Variants in SFI1 observed in about 807,000 individuals in gnomAD.
The protein encoded by SFI1 is SFI1 centrin binding protein, also known as protein SFI1 homolog.
Under a neutral mutation model 207.5 loss-of-function variants are expected in SFI1, and 195 were observed. That is an observed-to-expected ratio of 0.94 (90% CI 0.84 to 1.06). The LOEUF (loss-of-function observed/expected upper bound fraction) is 1.06, where lower values mean the gene tolerates loss of function less well. Among genes scored for constraint, SFI1 ranks in the 50% least tolerant of loss-of-function variants. SFI1 has a pLI of 0.00. For missense variants in SFI1, 1,634 were observed against 1,588.0 expected (o/e 1.03, Z -0.49); for synonymous variants, 630 against 598.9 (o/e 1.05, Z -0.76).
intron 3 of SFI1, chr22:31,529,141 A>T: frequency 2.7e-5 from 9 of 337,482 alleles, no homozygotes; most frequent in South Asian, 1.0e-4. Context: ...AGAAGGAACT[A>T]CTCTTTTTTG....
intron 6 of SFI1, among the ~76,000 whole-genome samples, chr22:31,556,596 G>T (rs1164905021): frequency 6.6e-6 from 1 of 152,024 alleles, no homozygotes; most frequent in East Asian, 1.9e-4. Context: ...TGCCATTTTT[G>T]TTAGATCCAT....
chr22:31,602,720 C>G lies in SFI1; in HGVS notation c.1740C>G (p.His580Gln). The stretch of plus-strand genomic sequence containing the variant: ...GGCAAACAGTGGCCTGTGCCCACCA[C>G]CGCCACGGGCGGCTCAAGAAAGCTT... ...QEWQTVACAHHRHGRLKKAFC... is the reference protein window; with the variant it reads ...QEWQTVACAHQRHGRLKKAFC... Residue 580 changes from histidine (H) to glutamine (Q), a missense_variant, in exon 17 of 33, where the codon CAC (histidine) becomes CAG (glutamine). Physicochemically the swap from His to Gln is conservative, Grantham distance 24. Transcript: ENST00000400288. 7 of 1,614,178 alleles carry G rather than the reference C, an allele frequency of 4.3e-6. No individual in the cohort carries two copies. The highest frequency in any genetic ancestry group is 5.9e-6 in the Non-Finnish European group (7 of 1,180,028).
At chr22:31,542,975 CTTT>C (rs377269654) in intron 4 of SFI1, among the ~76,000 whole-genome samples, 2 of 124,822 alleles carry the variant, frequency 1.6e-5, no homozygotes. Flanking sequence ...TTTTTTTTTT[CTTT>C]TTTTTTTTTT....
chr22:31,526,760 A>C (rs901975560), intron 2 of SFI1, among the ~76,000 whole-genome samples: 2 of 151,950 alleles, frequency 1.3e-5, no homozygotes, highest in African/African-American at 2.4e-5. Context: ...ACGGGGTTTC[A>C]CCATGTTGTC....
intron 11 of SFI1, among the ~76,000 whole-genome samples, chr22:31,578,794 C>G (rs1459578310): frequency 1.3e-5 from 2 of 152,160 alleles, no homozygotes; most frequent in Non-Finnish European, 2.9e-5. Context: ...GAGTCCGTCC[C>G]TGTTCTACCT....
Position 31,607,672 on chromosome 22 carries a change from C to T in SFI1, c.2158-265C>T, listed in dbSNP as rs542162820. On this transcript the variant is annotated intron_variant, in intron 21 of 32. Transcript: ENST00000400288. ...GAATTAAGACCCATGTATATAATGACTTCACTACTTTATGGCATGGTATGA... is the reference window on the plus strand; with the variant it reads ...GAATTAAGACCCATGTATATAATGATTTCACTACTTTATGGCATGGTATGA... 9 of 207,034 alleles carry T rather than the reference C, an allele frequency of 4.3e-5. No individual in the cohort carries two copies. The South Asian group carries it at 7.8e-4, about 18-fold the overall frequency. The allele number at this position is 207,034 out of a possible 1,614,324, so 12.8% of individuals were successfully genotyped here. A position where few individuals can be genotyped will look rare whatever the true frequency, so the allele number is the denominator to read the frequency against.
rs765289179 is a variant in SFI1, at chr22:31,613,599, T to C, written c.2743-3T>C. 3 of 1,580,032 alleles carry C rather than the reference T, an allele frequency of 1.9e-6. No individual in the cohort carries two copies. Among genetic ancestry groups the C allele is most frequent in the Non-Finnish European group, 2.6e-6 (3 of 1,160,588 alleles). On this transcript the variant is annotated splice_region_variant and splice_polypyrimidine_tract_variant and intron_variant, in intron 26 of 32. Coordinates refer to ENST00000400288, the MANE Select transcript of SFI1 (RefSeq NM_001007467.3). ...CATGAGCTGACCAGAGGCTGTGTTG[T>C]AGGCGGCTCACAGTCTCCATCGTGC...
At chr22:31,563,418 C>T (rs1335778615) in intron 8 of SFI1, among the ~76,000 whole-genome samples, 3 of 152,022 alleles carry the variant, frequency 2.0e-5, no homozygotes, top group African/African-American at 7.2e-5. Flanking sequence ...TATAGACTGA[C>T]TGTGAATATA....
At chr22:31,513,697 C>T (rs1453115420) in intron 2 of SFI1, among the ~76,000 whole-genome samples, 2 of 152,176 alleles carry the variant, frequency 1.3e-5, no homozygotes, top group East Asian at 3.9e-4. Flanking sequence ...CCTGCCTCAG[C>T]CTCCTGGGCA....
chr22:31,571,477 T>A (rs946652141), intron 8 of SFI1, among the ~76,000 whole-genome samples: 1 of 149,940 alleles, frequency 6.7e-6, no homozygotes, highest in African/African-American at 2.5e-5. Flanking sequence ...CATGCCTGGC[T>A]AATTTTTTTT....
At chr22:31,592,437 CGGCTGGCCGGGCGGGGGGCCG>C (rs1334317009) in intron 15 of SFI1, among the ~76,000 whole-genome samples, 3 of 58,856 alleles carry the variant, frequency 5.1e-5, no homozygotes, top group South Asian at 8.1e-4. Flanking sequence ...CCGGACGGGG[CGGCTGGCCGGGCGGGGGGCCG>C]ACCCCCTCAC....
At chr22:31,584,026 C>T in intron 13 of SFI1, 54 bp downstream of exon 13, 1 of 1,469,336 alleles carries the variant, frequency 6.8e-7, no homozygotes, top group Non-Finnish European at 9.5e-7. Context: ...CTCTGACTTA[C>T]TGTTTTCCAG....
At chr22:31,507,306 C>G (rs2054783224) in intron 1 of SFI1, among the ~76,000 whole-genome samples, 1 of 152,100 alleles carries the variant, frequency 6.6e-6, no homozygotes. Context: ...TAGCCATATT[C>G]AAATATTGAA....
At chr22:31,584,818 A>C (rs1229775008) in intron 13 of SFI1, among the ~76,000 whole-genome samples, 1 of 152,078 alleles carries the variant, frequency 6.6e-6, no homozygotes, top group Non-Finnish European at 1.5e-5. Flanking sequence ...TTCCAGAGCT[A>C]CTGTGCTTTC....
intron 2 of SFI1, among the ~76,000 whole-genome samples, chr22:31,526,982 C>T (rs974433582): frequency 2.6e-4 from 40 of 152,112 alleles, no homozygotes; most frequent in Admixed American, 2.6e-4. Context: ...CCGCAACCTC[C>T]GCCTCCCGGG....
Position 31,615,182 on chromosome 22 carries a change from CT to C in SFI1, c.3204del (p.Gly1069AlafsTer118). On this transcript the variant is annotated frameshift_variant, in exon 29 of 33. Transcript: ENST00000400288. LOFTEE classifies it high-confidence loss of function. ...CTGCCTGGGGCCCTGTCAAGCGCCCCTGGCCCGAAGCAGCCCCCGACGGCAA... is the reference window on the plus strand; with the variant it reads ...CTGCCTGGGGCCCTGTCAAGCGCCCCGGCCCGAAGCAGCCCCCGACGGCAA... Reference protein sequence around the residue: ...SPLPGALSSAPGPKQPPTAST... With the variant: ...SPLPGALSSAXGPKQPPTAST... 1.9e-6 allele frequency: 3 copies of C among 1,598,254 alleles called. No individual in the cohort carries two copies. Among genetic ancestry groups the C allele is most frequent in the African/African-American group, 1.3e-5 (1 of 74,262 alleles).
rs759935742 is a variant in SFI1 at position 31,617,026 on chromosome 22, G to A, written c.3460G>A (p.Glu1154Lys). The change falls in exon 31 of 33, where the codon GAG becomes AAG. Residue 1154 changes from glutamate to lysine, a missense_variant. Coordinates refer to ENST00000400288, the MANE Select transcript of SFI1 (RefSeq NM_001007467.3). ...AGSLDLEAEL[E>K]EIQQQLLHYQ... is the part of the protein sequence containing the mutation. ...CAGCCTGGACCTTGAGGCTGAACTT[G>A]AGGAGATCCAGCAGCAACTACTGCA... 39 of 1,614,006 alleles carry A rather than the reference G, an allele frequency of 2.4e-5. No individual in the cohort carries two copies. In the East Asian group the frequency reaches 7.4e-4, roughly 30 times the overall value.
intron 1 of SFI1, among the ~76,000 whole-genome samples, chr22:31,500,316 G>A (rs2053526514): frequency 6.7e-6 from 1 of 149,612 alleles, no homozygotes; most frequent in Admixed American, 6.7e-5. Context: ...AATTGCCATA[G>A]CCATTCCAAC....
chr22:31,549,628 G>A (rs1029866274), intron 5 of SFI1, among the ~76,000 whole-genome samples: 2 of 151,878 alleles, frequency 1.3e-5, no homozygotes, highest in African/African-American at 4.8e-5. Flanking sequence ...GCCTCCCAGA[G>A]TGCTGAGATT....
Sources: allele counts gnomAD v4.1 joint callset (sites outside exome capture counted in the v4.1 genomes callset), GRCh38; gene constraint gnomAD v4.1.1; transcripts MANE v1.5; gene names NCBI Gene and HGNC (gene_info 2026-07-23, HGNC 2026-07-21).